Variants in TNFRSF21 observed in about 807,000 individuals in gnomAD.
TNFRSF21 encodes tumor necrosis factor receptor superfamily member 21.
TNFRSF21 carries 19 observed loss-of-function variants against 45.6 expected under a neutral mutation model. The ratio of observed to expected loss-of-function variants is 0.42; its 90% CI spans 0.29 to 0.61. TNFRSF21 has a LOEUF of 0.61. TNFRSF21 is among the 20% of genes least tolerant of loss of function. The pLI is 0.23. For synonymous variants in TNFRSF21, 314 were observed against 335.5 expected (o/e 0.94, Z 0.70); for missense variants, 737 against 851.5 (o/e 0.87, Z 1.67).
chr6:47,269,154 G>A (rs936902673), intron 3 of TNFRSF21, among the ~76,000 whole-genome samples: 1 of 151,764 alleles, frequency 6.6e-6, no homozygotes, highest in African/African-American at 2.4e-5. Flanking sequence ...ATAATGAGAG[G>A]ACTGGACTAA....
chr6:47,306,178 T>G (rs539170197), intron 1 of TNFRSF21, among the ~76,000 whole-genome samples: 3 of 152,244 alleles, frequency 2.0e-5, no homozygotes, highest in African/African-American at 7.2e-5. Context: ...TTTCAGTGTA[T>G]GTTTTACTTT....
At chr6:47,302,360 A>C (rs953580527) in intron 1 of TNFRSF21, among the ~76,000 whole-genome samples, 1 of 152,216 alleles carries the variant, frequency 6.6e-6, no homozygotes, top group African/African-American at 2.4e-5. Flanking sequence ...GAAAACCCTA[A>C]AAGGTCCTCA....
At chr6:47,234,360 C>G (rs1416684715) in intron 5 of TNFRSF21, among the ~76,000 whole-genome samples, 1 of 152,218 alleles carries the variant, frequency 6.6e-6, no homozygotes, top group Non-Finnish European at 1.5e-5. Flanking sequence ...TTTCAAAAAT[C>G]TTGCCAGACT....
intron 1 of TNFRSF21, among the ~76,000 whole-genome samples, chr6:47,306,884 C>T (rs1211197509): frequency 6.6e-6 from 1 of 152,156 alleles, no homozygotes; most frequent in Admixed American, 6.5e-5. Flanking sequence ...AACTTGCCCA[C>T]CTCCCCCAGT....
intron 4 of TNFRSF21, among the ~76,000 whole-genome samples, chr6:47,245,453 TGTGTTTGTG>T (rs1561938992): frequency 1.3e-3 from 162 of 127,180 alleles, no homozygotes; most frequent in Non-Finnish European, 1.8e-3. Flanking sequence ...TGTGTGTGTG[TGTGTTTGTG>T]TGTGTGTGTG....
intron 1 of TNFRSF21, among the ~76,000 whole-genome samples, chr6:47,293,760 T>C (rs965377144): frequency 6.6e-6 from 1 of 152,176 alleles, no homozygotes; most frequent in Non-Finnish European, 1.5e-5. Context: ...CCACATGACT[T>C]AGGATGAAAG....
chr6:47,253,576 C>T (rs1561940983), intron 3 of TNFRSF21, 55 bp from the exon 4 acceptor site: 2 of 1,577,734 alleles, frequency 1.3e-6, no homozygotes, highest in Non-Finnish European at 1.7e-6. Context: ...AAGCTTCTTA[C>T]ATAAGGCAGC....
intron 3 of TNFRSF21, among the ~76,000 whole-genome samples, chr6:47,264,205 A>G (rs1236287009): frequency 6.6e-6 from 1 of 152,198 alleles, no homozygotes; most frequent in African/African-American, 2.4e-5. Flanking sequence ...CTGTTAGTTA[A>G]AACATGGAGT....
chr6:47,262,895 C>A (rs915439544), intron 3 of TNFRSF21, among the ~76,000 whole-genome samples: 1 of 152,088 alleles, frequency 6.6e-6, no homozygotes, highest in Non-Finnish European at 1.5e-5. Flanking sequence ...TAAAAAGTCA[C>A]GGGAGACCTT....
intron 4 of TNFRSF21, among the ~76,000 whole-genome samples, chr6:47,247,174 G>C (rs1285060216): frequency 6.6e-6 from 1 of 152,148 alleles, no homozygotes; most frequent in Non-Finnish European, 1.5e-5. Flanking sequence ...TTGCTCCTTT[G>C]TGCGCAATGA....
chr6:47,301,519 T>C (rs1466571733), intron 1 of TNFRSF21, among the ~76,000 whole-genome samples: 1 of 152,256 alleles, frequency 6.6e-6, no homozygotes, highest in Non-Finnish European at 1.5e-5. Context: ...CATGCTGACA[T>C]GTGATCCACA....
chr6:47,244,106 G>C (rs1238098853), intron 4 of TNFRSF21, among the ~76,000 whole-genome samples: 1 of 152,130 alleles, frequency 6.6e-6, no homozygotes, highest in East Asian at 1.9e-4. Context: ...CGGATCACAA[G>C]GTCAGGAGAT....
intron 5 of TNFRSF21, among the ~76,000 whole-genome samples, chr6:47,233,604 C>T (rs1399527023): frequency 6.6e-6 from 1 of 151,198 alleles, no homozygotes; most frequent in African/African-American, 2.4e-5. Flanking sequence ...GGAACTATAA[C>T]TTTTATTACT....
At chr6:47,241,894 C>A (rs1197359882) in intron 4 of TNFRSF21, among the ~76,000 whole-genome samples, 1 of 152,120 alleles carries the variant, frequency 6.6e-6, no homozygotes, top group Non-Finnish European at 1.5e-5. Context: ...GTACATGAAG[C>A]AAGGAGGTGC....
chr6:47,261,774 A>G (rs575877151), intron 3 of TNFRSF21, among the ~76,000 whole-genome samples: 1 of 152,244 alleles, frequency 6.6e-6, no homozygotes, highest in Admixed American at 6.5e-5. Flanking sequence ...TGCTGGGATC[A>G]GCTGTCCAAG....
chr6:47,283,880 G>C lies in TNFRSF21; in HGVS notation c.1243+58C>G, dbSNP rs116112529. On this transcript the variant is annotated intron_variant, in intron 3 of 5. Coordinates refer to ENST00000296861, the MANE Select transcript of TNFRSF21 (RefSeq NM_014452.5). ...CATTCCCATTCCTTCAGAAAACAGG[G>C]ACTAGGGAAAAAGTGGTAGAGAGAT... The C allele has an allele frequency of 1.1e-3, 1,732 of 1,556,552 alleles. 10 individuals carry two copies. The African/African-American group carries it at 0.02, about 18-fold the overall frequency.
At chr6:47,249,355 A>C in intron 4 of TNFRSF21, among the ~76,000 whole-genome samples, 1 of 152,226 alleles carries the variant, frequency 6.6e-6, no homozygotes, top group East Asian at 1.9e-4. Flanking sequence ...ACTTAAATCC[A>C]GGCATTAAAG....
chr6:47,297,391 G>A (rs943915497), intron 1 of TNFRSF21, among the ~76,000 whole-genome samples: 1 of 151,376 alleles, frequency 6.6e-6, no homozygotes, highest in Non-Finnish European at 1.5e-5. Flanking sequence ...TTCCATAAAT[G>A]TTATCTTAAT....
At chr6:47,248,202 T>C (rs548198856) in intron 4 of TNFRSF21, among the ~76,000 whole-genome samples, 1 of 152,314 alleles carries the variant, frequency 6.6e-6, no homozygotes, top group South Asian at 2.1e-4. Flanking sequence ...ACAGATATAA[T>C]ACTTCTGAAC....
Sources: allele counts gnomAD v4.1 joint callset (sites outside exome capture counted in the v4.1 genomes callset), GRCh38; gene constraint gnomAD v4.1.1; transcripts MANE v1.5; gene names NCBI Gene and HGNC (gene_info 2026-07-23, HGNC 2026-07-21).